SPG7: variants seen among roughly 807,000 people sequenced by gnomAD.
SPG7 encodes mitochondrial inner membrane m-AAA protease component paraplegin.
In SPG7, 103 loss-of-function variants were observed where a neutral mutation model predicts 81.9. The ratio of observed to expected loss-of-function variants is 1.26; its 90% CI spans 1.07 to 1.48. SPG7 has a LOEUF of 1.48. Ranked by LOEUF, SPG7 falls within the 40% of genes most tolerant of loss-of-function variation. SPG7 has a pLI of 0.00. For missense variants in SPG7, 1,241 were observed against 1,087.3 expected (o/e 1.14, Z -1.99); for synonymous variants, 534 against 444.2 (o/e 1.20, Z -2.54).
intron 3 of SPG7, chr16:89,523,577 C>A: frequency 2.5e-6 from 1 of 402,198 alleles, no homozygotes; most frequent in South Asian, 1.8e-5. Flanking sequence ...GCTCGGACGG[C>A]CTGGGACGGT....
chr16:89,523,895 C>T (rs999653824), intron 3 of SPG7, 111 bp from the exon 4 acceptor site: 2 of 1,345,766 alleles, frequency 1.5e-6, no homozygotes, highest in Admixed American at 1.9e-5. Context: ...ATCTTCTGTG[C>T]AGGACGCTGC....
In SPG7 at chr16:89,537,972, T is replaced by A. The variant is rs550402558; in HGVS notation, c.1324+5336T>A. Reference sequence around the variant, plus strand: ...GCCCAGCAGGAGCCGGCCGTCTGACTCACAACTCACGCCCGCCGACTGCCC... The same window carrying A: ...GCCCAGCAGGAGCCGGCCGTCTGACACACAACTCACGCCCGCCGACTGCCC... On this transcript the variant is annotated intron_variant, in intron 9 of 16. Transcript: ENST00000645818. 7 of 164,202 alleles carry A rather than the reference T, an allele frequency of 4.3e-5. No individual in the cohort carries two copies. In the East Asian group the frequency reaches 1.4e-3, roughly 32 times the overall value. 10.2% of individuals were successfully genotyped at this position (164,202 alleles called of 1,614,324 possible).
At chr16:89,537,795 A>C (rs886939526) in intron 9 of SPG7, 23 of 985,104 alleles carry the variant, frequency 2.3e-5, no homozygotes, top group African/African-American at 3.5e-5. Context: ...GGTCCTGGGA[A>C]GCTGGGGTCC....
At chr16:89,516,921 A>G (rs926251235) in intron 3 of SPG7, 10 of 152,174 alleles carry the variant, frequency 6.6e-5, no homozygotes, top group Non-Finnish European at 1.0e-4. Flanking sequence ...TCAAAAAAAA[A>G]GAAAAAAGAA....
rs1241085908 is a variant in SPG7 at position 89,550,514 on chromosome 16, A to T, written c.1684A>T (p.Ile562Phe). The T allele has an allele frequency of 6.2e-7, 1 of 1,613,764 alleles. No homozygotes were observed. Among genetic ancestry groups the T allele is most frequent in the Admixed American group, 1.7e-5 (1 of 60,026 alleles). ...VLAGTAKKSK[I>F]LSKEEQKVVA... Reference sequence around the variant, plus strand: ...TTCAGGGACTGCCAAAAAGAGCAAGATCCTGTCCAAGGAAGAACAGAAAGT... The same window carrying T: ...TTCAGGGACTGCCAAAAAGAGCAAGTTCCTGTCCAAGGAAGAACAGAAAGT... The change falls in exon 13 of 17, where the codon ATC (isoleucine) becomes TTC (phenylalanine). Residue 562 changes from isoleucine to phenylalanine, a missense_variant. Transcript: ENST00000645818.
intron 12 of SPG7, chr16:89,549,525 C>T (rs897795775): frequency 2.2e-5 from 7 of 322,024 alleles, no homozygotes; most frequent in African/African-American, 8.7e-5. Context: ...ATTAGCCAGG[C>T]ATGGTGGTGG....
intron 10 of SPG7, 56 bp from the exon 11 acceptor site, chr16:89,546,602 C>G (rs981874540): frequency 8.4e-7 from 1 of 1,192,274 alleles, no homozygotes; most frequent in African/African-American, 1.5e-5. Context: ...ACATGCCGCA[C>G]CTGTGGCAGT....
intron 6 of SPG7, 152 bp downstream of exon 6, chr16:89,529,731 A>G (rs974624201): frequency 2.8e-6 from 2 of 709,250 alleles, no homozygotes; most frequent in Non-Finnish European, 2.6e-6. Context: ...TTCCTTTCCC[A>G]TGGTCCGGCT....
chr16:89,532,330 T>C (rs2058355540), intron 8 of SPG7, 133 bp from the exon 9 acceptor site: 1 of 1,168,016 alleles, frequency 8.6e-7, no homozygotes, highest in Non-Finnish European at 1.3e-6. Flanking sequence ...GCAGCTGCCG[T>C]GTGTCTGTTT....
rs2058698958 is a variant in SPG7, at chr16:89,557,434, AC to A, written c.*342del. 1 of 355,218 alleles carries A rather than the reference AC, an allele frequency of 2.8e-6. No homozygotes were observed. Among genetic ancestry groups the A allele is most frequent in the African/African-American group, 2.1e-5 (1 of 47,650 alleles). The allele number at this position is 355,218 out of a possible 1,614,324, so 22.0% of individuals were successfully genotyped here. A position where few individuals can be genotyped will look rare whatever the true frequency, so the allele number is the denominator to read the frequency against. ...AGGCAGCAGAGCATTCAGACTCCAA[AC>A]AGACCCCTGTTCATGCCGACGCTTG... On this transcript the variant is annotated 3_prime_UTR_variant, in exon 17 of 17. Coordinates refer to ENST00000645818, the MANE Select transcript of SPG7 (RefSeq NM_003119.4).
At chr16:89,518,715 C>CA (rs1320332427) in intron 3 of SPG7, 4 of 152,094 alleles carry the variant, frequency 2.6e-5, no homozygotes, top group African/African-American at 4.8e-5. Context: ...TTTTATACAG[C>CA]ATTCTCTAAA....
chr16:89,514,975 C>T (rs1402246931), intron 3 of SPG7, among the ~76,000 whole-genome samples: 5 of 139,906 alleles, frequency 3.6e-5, no homozygotes, highest in South Asian at 2.3e-4. Flanking sequence ...CTCGCTCTGT[C>T]GCCTGGGCTG....
At chr16:89,520,379 CT>C in intron 3 of SPG7, 1 of 185,634 alleles carries the variant, frequency 5.4e-6, no homozygotes, top group Non-Finnish European at 1.1e-5. Flanking sequence ...ACCTAGAGTG[CT>C]TTTGTTTGTT....
chr16:89,510,576 ACT>A lies in SPG7; in HGVS notation c.273_274del (p.Trp92AlafsTer10). ...KQHLVQNPVR[L>X]WQLLGGTFYF... ...AACATTTAGTTCAGAATCCAGTCAG[ACT>A]CTGGCAACTTTTAGGTATGTATCTG... is the stretch of plus-strand genomic sequence containing the variant. On this transcript the variant is annotated frameshift_variant, in exon 2 of 17. Transcript: ENST00000645818. LOFTEE classifies it high-confidence loss of function. 6.2e-7 allele frequency: 1 copy of A among 1,609,122 alleles called. No homozygotes were observed. The highest frequency in any genetic ancestry group is 2.2e-5 in the East Asian group (1 of 44,820).
intron 9 of SPG7, chr16:89,543,396 A>C (rs1201634353): frequency 7.4e-6 from 1 of 134,370 alleles, no homozygotes; most frequent in African/African-American, 2.9e-5. Context: ...AGGCTGGAGT[A>C]CAGTGACACA....
At position 89,526,409 on chromosome 16, in the gene SPG7, G is replaced by A. The variant is rs1257187672; in HGVS notation, c.699G>A (p.Leu233=). ...EEKLRAAEDE[L]NIEAKDRIPV... is the part of the protein sequence containing the mutation. ...AGCTTCGAGCAGCTGAAGATGAGCT[G>A]AATATCGAGGCCAAGGACAGGATCC... Residue 233 remains leucine, a synonymous_variant, in exon 5 of 17, where the codon CTG becomes CTA. Transcript: ENST00000645818. The A allele has an allele frequency of 6.2e-7, 1 of 1,614,172 alleles. No individual in the cohort carries two copies. The highest frequency in any genetic ancestry group is 8.5e-7 in the Non-Finnish European group (1 of 1,180,024).
chr16:89,532,104 T>C (rs2058351627), intron 8 of SPG7, 38 bp downstream of exon 8: 3 of 1,602,442 alleles, frequency 1.9e-6, no homozygotes, highest in Non-Finnish European at 2.6e-6. Context: ...TGGGCTTGGC[T>C]GACTACCTGG....
chr16:89,548,276 C>G (rs2058591116), intron 12 of SPG7, 163 bp downstream of exon 12: 1 of 608,656 alleles, frequency 1.6e-6, no homozygotes, highest in African/African-American at 1.8e-5. Context: ...ATACCTTGTA[C>G]TTTTCCTTAG....
At chr16:89,526,651 T>C (rs1020299070) in intron 5 of SPG7, 183 bp downstream of exon 5, 7 of 639,806 alleles carry the variant, frequency 1.1e-5, no homozygotes, top group African/African-American at 1.1e-4. Flanking sequence ...AATATAGTTA[T>C]CCCTGGGTAT....
Sources: allele counts gnomAD v4.1 joint callset (sites outside exome capture counted in the v4.1 genomes callset), GRCh38; gene constraint gnomAD v4.1.1; transcripts MANE v1.5; gene names NCBI Gene and HGNC (gene_info 2026-07-23, HGNC 2026-07-21).